Variants in CTNNA2 observed in about 807,000 individuals in gnomAD.
CTNNA2 encodes catenin alpha-2.
A neutral mutation model predicts 101.0 loss-of-function variants in CTNNA2; 42 were observed. The ratio of observed to expected loss-of-function variants is 0.42; its 90% CI spans 0.32 to 0.54. The LOEUF (loss-of-function observed/expected upper bound fraction) is 0.54. Among genes scored for constraint, CTNNA2 ranks in the 20% least tolerant of loss-of-function variants. CTNNA2 has a pLI of 0.14. For missense variants in CTNNA2, 871 were observed against 1,223.1 expected (o/e 0.71, Z 4.29); for synonymous variants, 450 against 456.4 (o/e 0.99, Z 0.18).
At chr2:80,099,495 C>A (rs545200436) in intron 7 of CTNNA2, among the ~76,000 whole-genome samples, 1 of 152,160 alleles carries the variant, frequency 6.6e-6, no homozygotes, top group Non-Finnish European at 1.5e-5. Context: ...CAACCAATTT[C>A]ATTCATCCTG....
chr2:79,270,895 T>G (rs1675066431), intron 2 of CTNNA2, among the ~76,000 whole-genome samples: 1 of 152,044 alleles, frequency 6.6e-6, no homozygotes, highest in African/African-American at 2.4e-5. Flanking sequence ...TGCTTCTCTT[T>G]TAGGCACATC....
At chr2:80,557,728 AC>A (rs1391468579) in intron 12 of CTNNA2, among the ~76,000 whole-genome samples, 2 of 152,190 alleles carry the variant, frequency 1.3e-5, no homozygotes, top group Admixed American at 1.3e-4. Flanking sequence ...TGCTTTGACA[AC>A]AGGAGTGCCA....
intron 7 of CTNNA2, among the ~76,000 whole-genome samples, chr2:79,985,801 T>A (rs952248235): frequency 4.6e-5 from 7 of 152,102 alleles, no homozygotes; most frequent in African/African-American, 1.7e-4. Context: ...CTCCTGGGTG[T>A]CTTGTAGCAG....
chr2:80,264,027 A>G (rs989415543), intron 7 of CTNNA2, among the ~76,000 whole-genome samples: 1 of 152,192 alleles, frequency 6.6e-6, no homozygotes, highest in Non-Finnish European at 1.5e-5. Context: ...CTTTTAATAC[A>G]CACGTCCCTT....
intron 7 of CTNNA2, among the ~76,000 whole-genome samples, chr2:80,306,279 T>C (rs773218806): frequency 6.6e-6 from 1 of 152,176 alleles, no homozygotes; most frequent in Non-Finnish European, 1.5e-5. Flanking sequence ...ATCAACCCCC[T>C]TAATTTTGCA....
At chr2:79,875,399 T>C (rs527846063) in intron 6 of CTNNA2, among the ~76,000 whole-genome samples, 2 of 152,298 alleles carry the variant, frequency 1.3e-5, no homozygotes, top group Admixed American at 6.5e-5. Context: ...GGAAGTAGAA[T>C]GCACTAAACA....
chr2:79,661,582 G>C (rs939242788), intron 2 of CTNNA2, among the ~76,000 whole-genome samples: 4 of 152,170 alleles, frequency 2.6e-5, no homozygotes, highest in African/African-American at 4.8e-5. Flanking sequence ...GTTATAGGTT[G>C]GGGCTCACCC....
At chr2:79,280,700 A>AGAGAGAGAGAGG in intron 2 of CTNNA2, among the ~76,000 whole-genome samples, 1 of 140,784 alleles carries the variant, frequency 7.1e-6, no homozygotes, top group African/African-American at 2.7e-5. Flanking sequence ...AGAGAGAGAG[A>AGAGAGAGAGAGG]GACCTATAGC....
chr2:79,830,774 A>C (rs1678868824), intron 3 of CTNNA2, among the ~76,000 whole-genome samples: 2 of 152,192 alleles, frequency 1.3e-5, no homozygotes, highest in South Asian at 4.1e-4. Context: ...GCTACAAATT[A>C]AATGCAACCT....
intron 2 of CTNNA2, among the ~76,000 whole-genome samples, chr2:79,692,637 T>C (rs1684380918): frequency 6.6e-6 from 1 of 151,934 alleles, no homozygotes; most frequent in Non-Finnish European, 1.5e-5. Context: ...ATGCCCATCA[T>C]TGATAGACTG....
chr2:79,905,893 T>G (rs970368125), intron 6 of CTNNA2, among the ~76,000 whole-genome samples: 1 of 152,236 alleles, frequency 6.6e-6, no homozygotes, highest in African/African-American at 2.4e-5. Flanking sequence ...GTATATTTCT[T>G]GCTCAGGATG....
chr2:79,389,520 A>G (rs995700904), intron 4 of CTNNA2, among the ~76,000 whole-genome samples: 3 of 152,224 alleles, frequency 2.0e-5, no homozygotes, highest in African/African-American at 7.2e-5. Context: ...CCGAATCAGT[A>G]TATGTTTTGT....
chr2:79,515,546 C>CT (rs1339871499), intron 1 of CTNNA2, among the ~76,000 whole-genome samples: 1 of 152,140 alleles, frequency 6.6e-6, no homozygotes, highest in Non-Finnish European at 1.5e-5. Context: ...AACACAGGTA[C>CT]TTTTCACTTG....
intron 7 of CTNNA2, among the ~76,000 whole-genome samples, chr2:80,358,066 A>G (rs1674010435): frequency 1.3e-5 from 2 of 152,070 alleles, no homozygotes; most frequent in African/African-American, 4.8e-5. Context: ...ATCTTTGTGA[A>G]CTGGGGAAAC....
At chr2:80,378,961 A>G (rs2149345454) in intron 7 of CTNNA2, among the ~76,000 whole-genome samples, 1 of 152,152 alleles carries the variant, frequency 6.6e-6, no homozygotes, top group African/African-American at 2.4e-5. Context: ...TTGGCTGTAG[A>G]GGATGCTTCA....
intron 2 of CTNNA2, among the ~76,000 whole-genome samples, chr2:79,674,401 T>A (rs558760798): frequency 6.6e-6 from 1 of 152,224 alleles, no homozygotes; most frequent in Non-Finnish European, 1.5e-5. Context: ...AACTTCAGTT[T>A]GTTTGTATTC....
chr2:79,713,264 C>G (rs1429566164), intron 2 of CTNNA2, among the ~76,000 whole-genome samples: 1 of 151,982 alleles, frequency 6.6e-6, no homozygotes, highest in Non-Finnish European at 1.5e-5. Flanking sequence ...TATCACATTC[C>G]CTTGAATCAT....
At chr2:79,690,436 G>T (rs1408677154) in intron 2 of CTNNA2, among the ~76,000 whole-genome samples, 1 of 151,962 alleles carries the variant, frequency 6.6e-6, no homozygotes, top group Admixed American at 6.6e-5. Context: ...AATACTTCCA[G>T]CTTCATCCAT....
At chr2:79,279,162 T>C (rs1675294294) in intron 2 of CTNNA2, among the ~76,000 whole-genome samples, 1 of 152,084 alleles carries the variant, frequency 6.6e-6, no homozygotes, top group Admixed American at 6.6e-5. Flanking sequence ...TTCCAAAAGA[T>C]CTATAAAAAC....
Sources: gnomAD v4.1 joint callset for allele counts (sites outside exome capture counted in the v4.1 genomes callset) on GRCh38, gnomAD v4.1.1 for gene constraint, MANE v1.5 for transcripts, NCBI Gene and HGNC (gene_info 2026-07-23, HGNC 2026-07-21) for gene names.